Variants in RUNDC3B observed in about 807,000 individuals in gnomAD.
RUNDC3B encodes the protein RUN domain containing 3B, also known as RUN domain-containing protein 3B.
In RUNDC3B, 33 loss-of-function variants were observed where a neutral mutation model predicts 58.4. The observed-to-expected ratio is 0.56, with a 90% CI of 0.43 to 0.75. The LOEUF (loss-of-function observed/expected upper bound fraction) is 0.75, where lower values mean the gene tolerates loss of function less well. RUNDC3B is among the 30% of genes least tolerant of loss of function. The pLI, the probability that RUNDC3B is intolerant of heterozygous loss-of-function variation, is 0.00. For missense variants in RUNDC3B, 501 were observed against 535.7 expected (o/e 0.94, Z 0.64); for synonymous variants, 193 against 195.2 (o/e 0.99, Z 0.10).
Position 87,628,503 on chromosome 7 carries a change from A to C in RUNDC3B, c.-321A>C. The C allele has an allele frequency of 3.2e-5, 7 of 218,040 alleles. No individual in the cohort carries two copies. The highest frequency in any genetic ancestry group is 9.1e-5 in the East Asian group (1 of 11,008). The allele number at this position is 218,040 out of a possible 1,614,324, so 13.5% of individuals were successfully genotyped here. A position where few individuals can be genotyped will look rare whatever the true frequency, so the allele number is the denominator to read the frequency against. ...CGCCGTCTGCTGAGGTCCCTCGGGA[A>C]GGAGGAGAGCGCCTGACGCCGACCC... On this transcript the variant is annotated 5_prime_UTR_variant, in exon 1 of 11. Coordinates refer to ENST00000394654, the MANE Select transcript of RUNDC3B (RefSeq NM_001134405.2).
intron 8 of RUNDC3B, among the ~76,000 whole-genome samples, chr7:87,804,022 A>C (rs995418728): frequency 1.3e-5 from 2 of 152,160 alleles, no homozygotes. Flanking sequence ...GCTTATAATC[A>C]AAGTAGAAGA....
In RUNDC3B at chr7:87,778,070, T is replaced by G; in HGVS notation, c.956+115T>G. The G allele has an allele frequency of 3.7e-6, 3 of 810,764 alleles. No homozygotes were observed. The South Asian group carries it at 5.9e-5, about 16-fold the overall frequency. 50.2% of individuals were successfully genotyped at this position (810,764 alleles called of 1,614,324 possible). ...ATCTTATTGCCTGTTAAATTCTTTT[T>G]CACCTACACTTTTTTGAAAGTTTAC... On this transcript the variant is annotated intron_variant, in intron 8 of 10. Coordinates refer to ENST00000394654, the MANE Select transcript of RUNDC3B (RefSeq NM_001134405.2).
chr7:87,688,784 TTTG>T (rs1827729110), intron 2 of RUNDC3B, among the ~76,000 whole-genome samples: 1 of 152,016 alleles, frequency 6.6e-6, no homozygotes, highest in Non-Finnish European at 1.5e-5. Context: ...CTTGCTTCTG[TTTG>T]AGTCATATTA....
chr7:87,759,752 C>G (rs1833574219), intron 6 of RUNDC3B, among the ~76,000 whole-genome samples: 1 of 151,396 alleles, frequency 6.6e-6, no homozygotes, highest in Non-Finnish European at 1.5e-5. Context: ...TGTGGTCATG[C>G]CTTTGCTTTC....
At chr7:87,670,401 G>T (rs1040910028) in intron 2 of RUNDC3B, among the ~76,000 whole-genome samples, 1 of 152,014 alleles carries the variant, frequency 6.6e-6, no homozygotes, top group Non-Finnish European at 1.5e-5. Flanking sequence ...CATTTTCCTT[G>T]GATTGGGTTT....
intron 4 of RUNDC3B, among the ~76,000 whole-genome samples, chr7:87,732,261 A>G (rs1467733346): frequency 3.3e-5 from 5 of 152,194 alleles, no homozygotes; most frequent in African/African-American, 1.2e-4. Flanking sequence ...CAAAAGCAGT[A>G]CTTAGAATGT....
chr7:87,628,820 C>G lies in RUNDC3B; in HGVS notation c.-4C>G. 2.4e-6 allele frequency: 3 copies of G among 1,245,796 alleles called. No individual in the cohort carries two copies. Among genetic ancestry groups the G allele is most frequent in the Non-Finnish European group, 3.0e-6 (3 of 984,710 alleles). The allele number at this position is 1,245,796 out of a possible 1,614,324, so 77.2% of individuals were successfully genotyped here. A position where few individuals can be genotyped will look rare whatever the true frequency, so the allele number is the denominator to read the frequency against. ...GACAAAAGGGGCACGGGGGTAAGCCCGCCATGGCCTCCCGGAGCCTGGGGG... is the reference window on the plus strand; with the variant it reads ...GACAAAAGGGGCACGGGGGTAAGCCGGCCATGGCCTCCCGGAGCCTGGGGG... On this transcript the variant is annotated 5_prime_UTR_variant, in exon 1 of 11. Coordinates refer to ENST00000394654, the MANE Select transcript of RUNDC3B (RefSeq NM_001134405.2).
At chr7:87,704,209 C>T (rs1295842920) in intron 3 of RUNDC3B, among the ~76,000 whole-genome samples, 2 of 152,078 alleles carry the variant, frequency 1.3e-5, no homozygotes, top group Admixed American at 6.5e-5. Flanking sequence ...GCATGAGCCA[C>T]AGCACCCAGC....
At chr7:87,829,795 T>C in intron 10 of RUNDC3B, 90 bp from the exon 11 acceptor site, 1 of 960,914 alleles carries the variant, frequency 1.0e-6, no homozygotes, top group South Asian at 1.7e-5. Flanking sequence ...TTCACAGTAT[T>C]GATTCTTCCA....
rs548068547 is a variant in RUNDC3B at position 87,831,675 on chromosome 7, G to C, written c.*1645G>C. ...ATCCAAAGCAGGTTTTCATCAGCAT[G>C]GGGGATGGAAGGTAGGTATAATATG... On this transcript the variant is annotated 3_prime_UTR_variant, in exon 11 of 11. Transcript: ENST00000394654. 20 of 151,962 alleles carry C rather than the reference G, an allele frequency of 1.3e-4. No individual in the cohort carries two copies. The East Asian group carries it at 3.9e-3, about 29-fold the overall frequency. The allele number at this position is 151,962 out of a possible 1,614,324, so 9.4% of individuals were successfully genotyped here. A position where few individuals can be genotyped will look rare whatever the true frequency, so the allele number is the denominator to read the frequency against.
chr7:87,651,898 T>G (rs902187561), intron 2 of RUNDC3B, among the ~76,000 whole-genome samples: 3 of 152,160 alleles, frequency 2.0e-5, no homozygotes, highest in African/African-American at 7.2e-5. Context: ...GTTTGTAAAA[T>G]TGCTAATGCT....
intron 3 of RUNDC3B, among the ~76,000 whole-genome samples, chr7:87,709,958 C>A (rs912688700): frequency 6.6e-6 from 1 of 152,058 alleles, no homozygotes; most frequent in Non-Finnish European, 1.5e-5. Flanking sequence ...AATATGCTGG[C>A]TTCTGTTTTT....
intron 9 of RUNDC3B, among the ~76,000 whole-genome samples, chr7:87,812,929 T>G (rs1225562237): frequency 6.6e-6 from 1 of 152,208 alleles, no homozygotes; most frequent in Non-Finnish European, 1.5e-5. Context: ...GTTTGTCAGA[T>G]GGAGCTGTCA....
chr7:87,777,965 A>C lies in RUNDC3B; in HGVS notation c.956+10A>C, dbSNP rs755770065. On this transcript the variant is annotated intron_variant, in intron 8 of 10. Coordinates refer to ENST00000394654, the MANE Select transcript of RUNDC3B (RefSeq NM_001134405.2). The stretch of plus-strand genomic sequence containing the variant: ...AGCTTCAAGATCAGCTGTAAGTACA[A>C]GCCTTTTAGAAAAATGTTGGTAGCA... 1 of 1,599,646 alleles carries C rather than the reference A, an allele frequency of 6.3e-7. No homozygotes were observed. Among genetic ancestry groups the C allele is most frequent in the South Asian group, 1.1e-5 (1 of 87,956 alleles).
chr7:87,675,902 A>G (rs1431036331), intron 2 of RUNDC3B, among the ~76,000 whole-genome samples: 1 of 152,182 alleles, frequency 6.6e-6, no homozygotes, highest in Non-Finnish European at 1.5e-5. Context: ...GAAAAGATAA[A>G]TAAGTGGAAC....
Position 87,706,825 on chromosome 7 carries a change from C to T in RUNDC3B, c.373-3745C>T, listed in dbSNP as rs146187718. ...TTTTCCTATGGGGTTGTTGCCAACT[C>T]TAAGTCATCTGTAGCTCAAAGCAAA... On this transcript the variant is annotated intron_variant, in intron 3 of 10. Coordinates refer to ENST00000394654, the MANE Select transcript of RUNDC3B (RefSeq NM_001134405.2). 6.0e-3 allele frequency among the ~76,000 whole-genome samples: 920 copies of T among 152,254 alleles called. 7 individuals are homozygous for T. Among genetic ancestry groups the T allele is most frequent in the Non-Finnish European group, 8.0e-3 (541 of 68,004 alleles).
intron 9 of RUNDC3B, among the ~76,000 whole-genome samples, chr7:87,810,788 T>C (rs1045245557): frequency 2.6e-5 from 4 of 152,326 alleles, no homozygotes; most frequent in African/African-American, 7.2e-5. Flanking sequence ...TCTTTTCCTA[T>C]ATTTCAAACA....
At chr7:87,714,033 G>A (rs935291300) in intron 4 of RUNDC3B, among the ~76,000 whole-genome samples, 2 of 152,126 alleles carry the variant, frequency 1.3e-5, no homozygotes, top group Non-Finnish European at 2.9e-5. Context: ...GTAAATGACT[G>A]AGCTGTCACA....
chr7:87,741,678 G>T, intron 6 of RUNDC3B, 99 bp downstream of exon 6: 5 of 645,534 alleles, frequency 7.7e-6, no homozygotes, highest in Non-Finnish European at 1.3e-5. Context: ...CTAAATATTC[G>T]TTCCAATATC....
Sources: gnomAD v4.1 joint callset for allele counts (sites outside exome capture counted in the v4.1 genomes callset) on GRCh38, gnomAD v4.1.1 for gene constraint, MANE v1.5 for transcripts, NCBI Gene and HGNC (gene_info 2026-07-23, HGNC 2026-07-21) for gene names.